DSCAM: variants seen among roughly 807,000 people sequenced by gnomAD.
DSCAM encodes the protein cell adhesion molecule DSCAM.
DSCAM carries 47 observed loss-of-function variants against 217.7 expected under a neutral mutation model. The ratio of observed to expected loss-of-function variants is 0.22; its 90% CI spans 0.17 to 0.28. The LOEUF is 0.28. DSCAM is among the 10% of genes least tolerant of loss of function. The probability of loss-of-function intolerance (pLI) is 1.00; values close to 1 mark genes in which losing one functional copy is unlikely to be tolerated. For synonymous variants in DSCAM, 1,056 were observed against 1,015.3 expected (o/e 1.04, Z -0.76); for missense variants, 2,080 against 2,618.3 (o/e 0.79, Z 4.49).
At chr21:40,716,110 C>G (rs17836035) in intron 1 of DSCAM, among the ~76,000 whole-genome samples, 5,593 of 152,228 alleles carry the variant, frequency 0.037, 125 homozygotes, top group Middle Eastern at 0.082. Context: ...TGTCACTTCT[C>G]CTTATATTTT....
chr21:40,256,404 C>CAGAGAGAG lies in DSCAM; in HGVS notation c.2356+19685_2356+19692dup, dbSNP rs148333628. The stretch of plus-strand genomic sequence containing the variant: ...AACCAATAGGAGAGAGAGAGACAGA[C>CAGAGAGAG]AGAGAGAGAGAGAGAGAGACAGAGA... On this transcript the variant is annotated intron_variant, in intron 11 of 32. Coordinates refer to ENST00000400454, the MANE Select transcript of DSCAM (RefSeq NM_001389.5). Among the ~76,000 whole-genome samples the CAGAGAGAG allele has an allele frequency of 3.2e-3, 480 of 147,744 alleles. 1 individual carries two copies. The highest frequency in any genetic ancestry group is 0.016 in the Admixed American group (233 of 14,792).
intron 11 of DSCAM, among the ~76,000 whole-genome samples, chr21:40,244,135 T>C (rs2073190459): frequency 6.6e-6 from 1 of 152,304 alleles, no homozygotes; most frequent in Middle Eastern, 3.4e-3. Flanking sequence ...ATCATACTGA[T>C]TGGAGCCAAA....
At chr21:40,182,651 T>TGCC (rs1568986474) in intron 14 of DSCAM, among the ~76,000 whole-genome samples, 26 of 95,366 alleles carry the variant, frequency 2.7e-4, no homozygotes, top group African/African-American at 1.5e-3. Flanking sequence ...AGGAGGGGGT[T>TGCC]ACCAGAGAAA....
chr21:40,459,062 A>C (rs1020140071), intron 3 of DSCAM, among the ~76,000 whole-genome samples: 2 of 152,146 alleles, frequency 1.3e-5, no homozygotes, highest in Non-Finnish European at 2.9e-5. Context: ...CATCCAACTA[A>C]AAGAACTAGA....
chr21:40,808,115 G>A (rs545214742), intron 1 of DSCAM, among the ~76,000 whole-genome samples: 4 of 152,164 alleles, frequency 2.6e-5, no homozygotes, highest in Non-Finnish European at 5.9e-5. Context: ...AATGGGTGTT[G>A]CTGGAGCCCA....
At chr21:40,564,461 G>A (rs187422547) in intron 3 of DSCAM, among the ~76,000 whole-genome samples, 1 of 152,268 alleles carries the variant, frequency 6.6e-6, no homozygotes, top group South Asian at 2.1e-4. Flanking sequence ...TTTACTCAGC[G>A]TTGACCTCCC....
intron 3 of DSCAM, among the ~76,000 whole-genome samples, chr21:40,561,791 C>A (rs1391120912): frequency 3.5e-5 from 1 of 28,170 alleles, no homozygotes; most frequent in African/African-American, 1.0e-4. Context: ...GATGCAGAGG[C>A]CAACACTGGC....
intron 3 of DSCAM, among the ~76,000 whole-genome samples, chr21:40,523,575 A>C (rs983116661): frequency 2.0e-5 from 3 of 151,990 alleles, no homozygotes; most frequent in Non-Finnish European, 4.4e-5. Flanking sequence ...TTACCACTCC[A>C]TCTCCCTTCT....
chr21:40,148,684 C>T (rs2090386575), intron 16 of DSCAM, among the ~76,000 whole-genome samples: 1 of 151,978 alleles, frequency 6.6e-6, no homozygotes, highest in Non-Finnish European at 1.5e-5. Flanking sequence ...CAATGCCACT[C>T]CCTCAGGTCC....
chr21:40,595,259 T>A (rs1005649671), intron 3 of DSCAM, among the ~76,000 whole-genome samples: 1 of 151,950 alleles, frequency 6.6e-6, no homozygotes, highest in Non-Finnish European at 1.5e-5. Flanking sequence ...ACACCTGCAG[T>A]CCCAGCTACT....
chr21:40,338,155 C>A lies in DSCAM; in HGVS notation c.1729G>T (p.Val577Leu). ...EVDEGEYTCN[V>L]LVQPQLSTSQ... ...GTGGAGAGTTGTGGTTGAACCAACA[C>A]GTTGCACGTGTACTCCCCCTCGTCC... is the stretch of plus-strand genomic sequence containing the variant. Residue 577 changes from valine (V) to leucine (L), a missense_variant, in exon 8 of 33, where the codon GTG becomes TTG. Val to Leu is a conservative substitution (Grantham distance 32, BLOSUM62 1). Transcript: ENST00000400454. The A allele has an allele frequency of 1.2e-6, 2 of 1,614,264 alleles. No homozygotes were observed. The highest frequency in any genetic ancestry group is 2.2e-5 in the East Asian group (1 of 44,888).
chr21:40,764,320 T>C (rs1214429800), intron 1 of DSCAM, among the ~76,000 whole-genome samples: 1 of 133,900 alleles, frequency 7.5e-6, no homozygotes, highest in African/African-American at 2.6e-5. Context: ...AAGATATTTA[T>C]GCCGCCAAAA....
chr21:40,190,752 C>T (rs557524798), intron 11 of DSCAM, among the ~76,000 whole-genome samples: 4 of 152,258 alleles, frequency 2.6e-5, no homozygotes, highest in African/African-American at 7.2e-5. Flanking sequence ...GAAATGCACC[C>T]AGATAAAGCC....
At chr21:40,821,440 C>A (rs1050957665) in intron 1 of DSCAM, among the ~76,000 whole-genome samples, 1 of 151,726 alleles carries the variant, frequency 6.6e-6, no homozygotes, top group African/African-American at 2.4e-5. Flanking sequence ...GCTTTCAATG[C>A]CTAGCCCTCT....
intron 32 of DSCAM, 121 bp from the exon 33 acceptor site, chr21:40,013,507 G>T: frequency 1.5e-6 from 1 of 673,458 alleles, no homozygotes; most frequent in Middle Eastern, 4.2e-4. Context: ...GCACACAGGT[G>T]CCTTTCTCAA....
intron 1 of DSCAM, among the ~76,000 whole-genome samples, chr21:40,745,748 C>T (rs2091167997): frequency 6.6e-6 from 1 of 152,010 alleles, no homozygotes; most frequent in Non-Finnish European, 1.5e-5. Context: ...AGAATACAGA[C>T]AAATTTAGAA....
intron 10 of DSCAM, among the ~76,000 whole-genome samples, chr21:40,288,731 T>C (rs910676028): frequency 2.6e-5 from 4 of 152,242 alleles, no homozygotes; most frequent in Non-Finnish European, 4.4e-5. Flanking sequence ...AATAATGATA[T>C]TAATAATAGC....
intron 1 of DSCAM, among the ~76,000 whole-genome samples, chr21:40,841,000 G>A (rs756523354): frequency 6.6e-6 from 1 of 152,152 alleles, no homozygotes; most frequent in Non-Finnish European, 1.5e-5. Flanking sequence ...GGCTTCGCAC[G>A]CATTTCAGAC....
chr21:40,617,057 T>C (rs1414865835), intron 3 of DSCAM, among the ~76,000 whole-genome samples: 2 of 136,460 alleles, frequency 1.5e-5, no homozygotes, highest in Non-Finnish European at 3.1e-5. Flanking sequence ...ACACCAGAAA[T>C]AGACTCTAAG....
Sources: gnomAD v4.1 joint callset for allele counts (sites outside exome capture counted in the v4.1 genomes callset) on GRCh38, gnomAD v4.1.1 for gene constraint, MANE v1.5 for transcripts, NCBI Gene and HGNC (gene_info 2026-07-23, HGNC 2026-07-21) for gene names.